THSD7B: variants seen among roughly 807,000 people sequenced by gnomAD.
THSD7B encodes thrombospondin type-1 domain-containing protein 7B.
Under a neutral mutation model 213.6 loss-of-function variants are expected in THSD7B, and 138 were observed. The ratio of observed to expected loss-of-function variants is 0.65; its 90% confidence interval spans 0.56 to 0.74. THSD7B has a LOEUF of 0.74. Among genes scored for constraint, THSD7B ranks in the 30% least tolerant of loss-of-function variants. THSD7B has a pLI of 0.00. For missense variants in THSD7B, 1,931 were observed against 1,991.5 expected (o/e 0.97, Z 0.58); for synonymous variants, 742 against 687.0 (o/e 1.08, Z -1.25).
intron 15 of THSD7B, among the ~76,000 whole-genome samples, chr2:137,550,201 A>G (rs1680819064): frequency 6.6e-6 from 1 of 151,804 alleles, no homozygotes; most frequent in South Asian, 2.1e-4. Flanking sequence ...CCAAGTGCCT[A>G]TGTCAATATG....
At chr2:136,883,562 T>A (rs1287976866) in intron 2 of THSD7B, among the ~76,000 whole-genome samples, 1 of 152,102 alleles carries the variant, frequency 6.6e-6, no homozygotes, top group Non-Finnish European at 1.5e-5. Context: ...AAGATGAACA[T>A]TTGATCAAAT....
intron 26 of THSD7B, among the ~76,000 whole-genome samples, chr2:137,667,117 A>C (rs1034166826): frequency 5.6e-4 from 85 of 151,446 alleles, no homozygotes; most frequent in African/African-American, 1.8e-3. Context: ...ATGTTTTGCC[A>C]TATTTTTGTA....
At chr2:137,508,582 G>A (rs1573673371) in intron 15 of THSD7B, among the ~76,000 whole-genome samples, 1 of 150,816 alleles carries the variant, frequency 6.6e-6, no homozygotes, top group East Asian at 2.0e-4. Flanking sequence ...GTGGAGACGG[G>A]GTTTCACCAT....
intron 15 of THSD7B, among the ~76,000 whole-genome samples, chr2:137,463,349 C>G (rs572729266): frequency 6.6e-6 from 1 of 152,102 alleles, no homozygotes; most frequent in Non-Finnish European, 1.5e-5. Flanking sequence ...ACATTTCACA[C>G]TTCCATGCAT....
intron 12 of THSD7B, among the ~76,000 whole-genome samples, chr2:137,356,563 G>A (rs1000969711): frequency 6.6e-6 from 1 of 152,176 alleles, no homozygotes; most frequent in Non-Finnish European, 1.5e-5. Context: ...TACTTGCCAT[G>A]ACTTGCTTTG....
intron 3 of THSD7B, among the ~76,000 whole-genome samples, chr2:137,062,457 T>C (rs1418387691): frequency 2.0e-5 from 3 of 151,766 alleles, no homozygotes; most frequent in Non-Finnish European, 4.4e-5. Flanking sequence ...TCTTTACTAT[T>C]AGATGCATTC....
At chr2:136,842,907 A>C (rs543007571) in intron 1 of THSD7B, among the ~76,000 whole-genome samples, 40 of 152,324 alleles carry the variant, frequency 2.6e-4, no homozygotes, top group African/African-American at 9.1e-4. Flanking sequence ...AGGTGAAAAC[A>C]TGAAGCACAG....
intron 1 of THSD7B, among the ~76,000 whole-genome samples, chr2:136,799,545 C>T (rs939572922): frequency 6.6e-6 from 1 of 151,970 alleles, no homozygotes; most frequent in African/African-American, 2.4e-5. Flanking sequence ...ATCATTACTT[C>T]CTTTCTAGCT....
intron 5 of THSD7B, among the ~76,000 whole-genome samples, chr2:137,121,634 C>G (rs1688548980): frequency 6.6e-6 from 1 of 152,206 alleles, no homozygotes; most frequent in Non-Finnish European, 1.5e-5. Context: ...TAGGACATCA[C>G]TTCTTCCTGA....
chr2:136,801,053 T>A (rs1682169768), intron 1 of THSD7B, among the ~76,000 whole-genome samples: 1 of 151,984 alleles, frequency 6.6e-6, no homozygotes. Flanking sequence ...CCACTGTGTG[T>A]ACGTCCATTG....
At chr2:137,358,623 T>C (rs780387249) in intron 12 of THSD7B, among the ~76,000 whole-genome samples, 40 of 152,200 alleles carry the variant, frequency 2.6e-4, no homozygotes, top group Non-Finnish European at 1.3e-4. Context: ...GCAATCCTAC[T>C]GGCAATTTCC....
intron 3 of THSD7B, among the ~76,000 whole-genome samples, chr2:137,064,822 A>G (rs1210260487): frequency 1.3e-5 from 2 of 151,778 alleles, no homozygotes; most frequent in African/African-American, 4.8e-5. Flanking sequence ...TTGTAGATGT[A>G]TGGGTTTATT....
intron 12 of THSD7B, among the ~76,000 whole-genome samples, chr2:137,387,414 T>G (rs941955244): frequency 1.3e-5 from 2 of 152,208 alleles, no homozygotes; most frequent in African/African-American, 4.8e-5. Flanking sequence ...AATGAGATCC[T>G]TATAGAGCTA....
In THSD7B at chr2:137,197,271, A is replaced by T. The variant is rs1218531767; in HGVS notation, c.1723+26333A>T. Among the ~76,000 whole-genome samples, 6 of 152,304 alleles carry T rather than the reference A, an allele frequency of 3.9e-5. No individual in the cohort carries two copies. In the East Asian group the frequency reaches 7.7e-4, roughly 20 times the overall value. On this transcript the variant is annotated intron_variant, in intron 7 of 27. Transcript: ENST00000409968. ...GTGAAGTTCCACTGCTTATGTACAC[A>T]GCAGAGAGAGATGGAGGAAGGAAGA... is the stretch of plus-strand genomic sequence containing the variant.
chr2:137,408,675 G>A (rs144111818), intron 13 of THSD7B, among the ~76,000 whole-genome samples: 1 of 152,282 alleles, frequency 6.6e-6, no homozygotes, highest in Non-Finnish European at 1.5e-5. Context: ...AAGATGAGAT[G>A]TTGGTAAGGC....
At chr2:136,918,102 G>T (rs906348022) in intron 2 of THSD7B, among the ~76,000 whole-genome samples, 1 of 152,072 alleles carries the variant, frequency 6.6e-6, no homozygotes, top group African/African-American at 2.4e-5. Context: ...TGTGGATTTT[G>T]GTGGGGGCAG....
intron 16 of THSD7B, among the ~76,000 whole-genome samples, chr2:137,564,124 T>C (rs1681181563): frequency 1.3e-5 from 2 of 152,344 alleles, no homozygotes; most frequent in African/African-American, 2.4e-5. Flanking sequence ...AGTTAACTAT[T>C]GCACATGCAT....
intron 17 of THSD7B, among the ~76,000 whole-genome samples, chr2:137,585,738 TGAG>T (rs1040139227): frequency 2.0e-5 from 3 of 152,332 alleles, no homozygotes; most frequent in Admixed American, 2.0e-4. Flanking sequence ...TTACATTTGC[TGAG>T]GAGTGCTTCA....
intron 1 of THSD7B, among the ~76,000 whole-genome samples, chr2:136,768,909 TA>T (rs1681456208): frequency 6.6e-6 from 1 of 152,222 alleles, no homozygotes; most frequent in Non-Finnish European, 1.5e-5. Flanking sequence ...ACAAGATTAA[TA>T]TCTAAGTGAT....
Sources: gnomAD v4.1 joint callset for allele counts (sites outside exome capture counted in the v4.1 genomes callset) on GRCh38, gnomAD v4.1.1 for gene constraint, MANE v1.5 for transcripts, NCBI Gene and HGNC (gene_info 2026-07-23, HGNC 2026-07-21) for gene names.